The following KIAA1328 variants were observed in gnomAD, a reference collection of about 807,000 sequenced individuals.
KIAA1328 encodes KIAA1328.
In KIAA1328, 52 loss-of-function variants were observed where a neutral mutation model predicts 68.1. That is an observed-to-expected ratio of 0.76 (90% CI 0.61 to 0.96). The LOEUF (loss-of-function observed/expected upper bound fraction) is 0.96, where lower values mean the gene tolerates loss of function less well. KIAA1328 is among the 40% of genes least tolerant of loss of function. The probability of loss-of-function intolerance (pLI) is 0.00; values close to 1 mark genes in which losing one functional copy is unlikely to be tolerated. For missense variants in KIAA1328, 641 were observed against 677.6 expected (o/e 0.95, Z 0.60); for synonymous variants, 232 against 239.4 (o/e 0.97, Z 0.28).
chr18:37,119,712 GTGTT>G (rs1420635711), intron 7 of KIAA1328, among the ~76,000 whole-genome samples: 1 of 152,154 alleles, frequency 6.6e-6, no homozygotes, highest in Non-Finnish European at 1.5e-5. Flanking sequence ...TCCATAGTGT[GTGTT>G]TGTGTGTGTG....
At chr18:37,045,576 T>C (rs933727915) in intron 6 of KIAA1328, among the ~76,000 whole-genome samples, 2 of 152,174 alleles carry the variant, frequency 1.3e-5, no homozygotes, top group African/African-American at 4.8e-5. Flanking sequence ...CTTGAAGTTA[T>C]ATCAGTCATA....
intron 6 of KIAA1328, among the ~76,000 whole-genome samples, chr18:37,055,415 T>G (rs1358220709): frequency 1.3e-5 from 2 of 152,218 alleles, no homozygotes; most frequent in Non-Finnish European, 2.9e-5. Context: ...ACTGATGATA[T>G]AACACCTGTA....
chr18:36,905,504 C>A (rs899064853), intron 5 of KIAA1328, among the ~76,000 whole-genome samples: 4 of 152,134 alleles, frequency 2.6e-5, no homozygotes, highest in African/African-American at 7.2e-5. Context: ...TTCTGTCTGG[C>A]AGACTTTCAT....
intron 4 of KIAA1328, among the ~76,000 whole-genome samples, chr18:36,850,608 T>A (rs1389867532): frequency 6.6e-6 from 1 of 152,134 alleles, no homozygotes; most frequent in African/African-American, 2.4e-5. Context: ...ATAAGAACAA[T>A]ATGCCAGCAT....
At chr18:36,949,966 CA>C (rs2051092372) in intron 5 of KIAA1328, among the ~76,000 whole-genome samples, 2 of 152,178 alleles carry the variant, frequency 1.3e-5, no homozygotes, top group Non-Finnish European at 2.9e-5. Context: ...TGTGCTCTTG[CA>C]CAGATCACAG....
intron 7 of KIAA1328, among the ~76,000 whole-genome samples, chr18:37,105,466 G>A (rs988609977): frequency 6.7e-6 from 1 of 148,362 alleles, no homozygotes; most frequent in Non-Finnish European, 1.5e-5. Context: ...ACGCTAGCCT[G>A]GGCAATGATA....
chr18:36,896,593 A>G lies in KIAA1328; in HGVS notation c.448+10921A>G, dbSNP rs2048873962. Among the ~76,000 whole-genome samples the G allele has an allele frequency of 2.0e-5, 3 of 152,170 alleles. No individual in the cohort carries two copies. The South Asian group carries it at 6.2e-4, about 32-fold the overall frequency. On this transcript the variant is annotated intron_variant, in intron 5 of 9. Coordinates refer to ENST00000280020, the MANE Select transcript of KIAA1328 (RefSeq NM_020776.3). ...CTCAGCAAACTGAAATTCAAAAAAC[A>G]TTTATTTGCTGCATCTTTGTTTAAT...
At chr18:36,892,938 A>G (rs1432234072) in intron 5 of KIAA1328, among the ~76,000 whole-genome samples, 1 of 152,212 alleles carries the variant, frequency 6.6e-6, no homozygotes, top group African/African-American at 2.4e-5. Context: ...AAGAAATTAT[A>G]TGCTCACTAT....
intron 7 of KIAA1328, among the ~76,000 whole-genome samples, chr18:37,123,917 T>C (rs979082486): frequency 1.3e-5 from 2 of 152,176 alleles, no homozygotes; most frequent in Non-Finnish European, 2.9e-5. Flanking sequence ...GTTAATAAGC[T>C]TGCTAATCCT....
intron 6 of KIAA1328, among the ~76,000 whole-genome samples, chr18:36,979,244 C>T (rs113769953): frequency 2.4e-4 from 36 of 152,032 alleles, no homozygotes; most frequent in African/African-American, 8.7e-4. Flanking sequence ...TGGTGTGCCT[C>T]TTAAGACTTA....
intron 6 of KIAA1328, among the ~76,000 whole-genome samples, chr18:36,998,827 G>GT (rs1467726087): frequency 6.6e-6 from 1 of 152,164 alleles, no homozygotes; most frequent in Non-Finnish European, 1.5e-5. Flanking sequence ...AGCGACTACT[G>GT]TGCCACATGT....
intron 7 of KIAA1328, among the ~76,000 whole-genome samples, chr18:37,155,911 A>G (rs370581362): frequency 6.6e-6 from 1 of 152,200 alleles, no homozygotes. Flanking sequence ...TTTACCTAGA[A>G]CATTCTTACA....
intron 4 of KIAA1328, among the ~76,000 whole-genome samples, chr18:36,866,731 T>C (rs2047765876): frequency 6.6e-6 from 1 of 152,190 alleles, no homozygotes; most frequent in Non-Finnish European, 1.5e-5. Flanking sequence ...ACTAGGAGGC[T>C]GAAGTTTTAA....
chr18:36,901,326 G>C (rs907630542), intron 5 of KIAA1328, among the ~76,000 whole-genome samples: 1 of 151,982 alleles, frequency 6.6e-6, no homozygotes, highest in Non-Finnish European at 1.5e-5. Context: ...GGTGGGGGAG[G>C]CATGTCAAAT....
intron 9 of KIAA1328, 134 bp downstream of exon 9, chr18:37,173,215 C>A: frequency 3.1e-6 from 2 of 636,858 alleles, no homozygotes; most frequent in Non-Finnish European, 5.2e-6. Context: ...TCTTTTGAAG[C>A]ATCTAGATTT....
intron 4 of KIAA1328, among the ~76,000 whole-genome samples, chr18:36,872,336 C>G (rs539901667): frequency 1.3e-5 from 2 of 152,144 alleles, no homozygotes; most frequent in African/African-American, 4.8e-5. Flanking sequence ...TCACCTCAAC[C>G]AGGACCCCCA....
chr18:37,133,526 T>A (rs2058572900), intron 7 of KIAA1328, among the ~76,000 whole-genome samples: 1 of 42,420 alleles, frequency 2.4e-5, no homozygotes, highest in Admixed American at 2.0e-4. Flanking sequence ...TATATAGTAA[T>A]TTTTTTTTTT....
chr18:37,110,443 A>G (rs2057899186), intron 7 of KIAA1328, among the ~76,000 whole-genome samples: 1 of 152,236 alleles, frequency 6.6e-6, no homozygotes, highest in African/African-American at 2.4e-5. Context: ...GTAATTATTA[A>G]GTCAATTTAT....
At chr18:37,215,781 A>G (rs553743792) in intron 9 of KIAA1328, among the ~76,000 whole-genome samples, 3 of 151,918 alleles carry the variant, frequency 2.0e-5, no homozygotes, top group Non-Finnish European at 4.4e-5. Flanking sequence ...CTGGTCCTGG[A>G]CTTTTTTTGG....
Sources: gnomAD v4.1 joint callset for allele counts (sites outside exome capture counted in the v4.1 genomes callset) on GRCh38, gnomAD v4.1.1 for gene constraint, MANE v1.5 for transcripts, NCBI Gene and HGNC (gene_info 2026-07-23, HGNC 2026-07-21) for gene names.